Variants in GRID2 observed in about 807,000 individuals in gnomAD.
The protein encoded by GRID2 is glutamate ionotropic receptor delta type subunit 2.
A neutral mutation model predicts 114.8 loss-of-function variants in GRID2; 33 were observed. The ratio of observed to expected loss-of-function variants is 0.29; its 90% confidence interval spans 0.22 to 0.38. The LOEUF (loss-of-function observed/expected upper bound fraction) is 0.38, where lower values mean the gene tolerates loss of function less well. Among genes scored for constraint, GRID2 ranks in the 10% least tolerant of loss-of-function variants. The pLI is 1.00. For synonymous variants in GRID2, 505 were observed against 449.9 expected, an observed-to-expected ratio of 1.12 and a Z score of -1.55; for missense variants, 1,184 against 1,257.7, an observed-to-expected ratio of 0.94 and a Z score of 0.89.
chr4:93,117,812 T>A (rs1300163521), intron 4 of GRID2, among the ~76,000 whole-genome samples: 1 of 152,164 alleles, frequency 6.6e-6, no homozygotes, highest in Non-Finnish European at 1.5e-5. Context: ...AGAGTTATAG[T>A]GCTGTTGGCC....
At chr4:92,721,172 G>T in intron 2 of GRID2, among the ~76,000 whole-genome samples, 1 of 152,080 alleles carries the variant, frequency 6.6e-6, no homozygotes, top group East Asian at 1.9e-4. Flanking sequence ...TGGGAAGTTA[G>T]TGTTCAATGG....
intron 2 of GRID2, among the ~76,000 whole-genome samples, chr4:92,915,385 C>A (rs2149495287): frequency 6.6e-6 from 1 of 152,258 alleles, no homozygotes; most frequent in East Asian, 1.9e-4. Flanking sequence ...CTGGAAGGCA[C>A]AAAGAGCCTC....
In GRID2 at chr4:93,318,126, T is replaced by C. The variant is rs558412559; in HGVS notation, c.1246-77481T>C. Among the ~76,000 whole-genome samples the C allele has an allele frequency of 2.7e-4, 40 of 150,892 alleles. No individual in the cohort carries two copies. The East Asian group carries it at 7.6e-3, about 29-fold the overall frequency. On this transcript the variant is annotated intron_variant, in intron 8 of 15. Coordinates refer to ENST00000282020, the MANE Select transcript of GRID2 (RefSeq NM_001510.4). The stretch of plus-strand genomic sequence containing the variant: ...TTATAATTTTACATGATTTCATATA[T>C]TATTTTTCTGTTAGCCTTGTAAACT...
intron 2 of GRID2, among the ~76,000 whole-genome samples, chr4:92,904,020 T>C (rs1425033073): frequency 6.6e-6 from 1 of 151,950 alleles, no homozygotes; most frequent in Non-Finnish European, 1.5e-5. Flanking sequence ...CAGTTTCTTT[T>C]CTTATTTCTA....
intron 1 of GRID2, among the ~76,000 whole-genome samples, chr4:92,586,172 G>C (rs1728430104): frequency 4.0e-5 from 6 of 151,808 alleles, no homozygotes; most frequent in Admixed American, 3.9e-4. Flanking sequence ...TACCTCTGTG[G>C]TAGAGGAAAC....
At chr4:92,386,868 A>C (rs952498834) in intron 1 of GRID2, among the ~76,000 whole-genome samples, 1 of 151,910 alleles carries the variant, frequency 6.6e-6, no homozygotes, top group African/African-American at 2.4e-5. Flanking sequence ...CTTGAGATAC[A>C]TAGCCTCATG....
At chr4:93,028,444 C>A (rs932899544) in intron 2 of GRID2, among the ~76,000 whole-genome samples, 2 of 151,658 alleles carry the variant, frequency 1.3e-5, no homozygotes, top group African/African-American at 2.4e-5. Context: ...GAAATGAGAC[C>A]GGAAAGAGTT....
At chr4:92,438,582 G>A (rs1009613118) in intron 1 of GRID2, among the ~76,000 whole-genome samples, 2 of 105,892 alleles carry the variant, frequency 1.9e-5, no homozygotes, top group South Asian at 3.3e-4. Flanking sequence ...TACCTTCTGT[G>A]TGTGTGTGTG....
At chr4:93,207,734 A>G (rs1349138974) in intron 5 of GRID2, among the ~76,000 whole-genome samples, 1 of 151,958 alleles carries the variant, frequency 6.6e-6, no homozygotes, top group Non-Finnish European at 1.5e-5. Flanking sequence ...TCATCTTTAT[A>G]AAAAGTACAG....
intron 14 of GRID2, among the ~76,000 whole-genome samples, chr4:93,703,757 G>T (rs1727736446): frequency 6.7e-6 from 1 of 148,854 alleles, no homozygotes; most frequent in East Asian, 2.0e-4. Context: ...TTGGTTTTTT[G>T]TCCTTGAGAT....
chr4:92,794,874 T>TTTTATATATA (rs139320071), intron 2 of GRID2, among the ~76,000 whole-genome samples: 53 of 106,036 alleles, frequency 5.0e-4, no homozygotes, highest in African/African-American at 2.2e-3. Context: ...AATAATTGTT[T>TTTTATATATA]TATATATATA....
At chr4:93,248,200 T>C (rs964607528) in intron 8 of GRID2, among the ~76,000 whole-genome samples, 6 of 152,168 alleles carry the variant, frequency 3.9e-5, no homozygotes, top group Non-Finnish European at 8.8e-5. Flanking sequence ...CCACTAGTGG[T>C]AACTAATGTT....
chr4:93,108,962 G>A (rs1162366019), intron 3 of GRID2, among the ~76,000 whole-genome samples: 1 of 152,042 alleles, frequency 6.6e-6, no homozygotes, highest in Non-Finnish European at 1.5e-5. Flanking sequence ...ATTGGTTCTG[G>A]GGTGAGGCCC....
chr4:93,484,086 C>T (rs944595049), intron 11 of GRID2, among the ~76,000 whole-genome samples: 3 of 151,818 alleles, frequency 2.0e-5, no homozygotes, highest in Admixed American at 2.0e-4. Context: ...ACTATTCTCT[C>T]TCCTTATTTT....
intron 2 of GRID2, among the ~76,000 whole-genome samples, chr4:92,622,584 A>G (rs1579704937): frequency 2.0e-5 from 3 of 151,898 alleles, no homozygotes; most frequent in Admixed American, 2.0e-4. Flanking sequence ...CAAAGTGAAC[A>G]TCAGTCCCTC....
intron 1 of GRID2, among the ~76,000 whole-genome samples, chr4:93,795,296 C>T (rs1347105346): frequency 6.6e-6 from 1 of 151,528 alleles, no homozygotes. Flanking sequence ...CACAATAAGG[C>T]AAAAAGACTT....
At chr4:92,763,733 T>G (rs1738131866) in intron 2 of GRID2, among the ~76,000 whole-genome samples, 1 of 152,146 alleles carries the variant, frequency 6.6e-6, no homozygotes, top group Non-Finnish European at 1.5e-5. Flanking sequence ...GAGTTAGCTA[T>G]AGGGTTATTT....
intron 8 of GRID2, among the ~76,000 whole-genome samples, chr4:93,339,843 C>T (rs975592670): frequency 6.6e-6 from 1 of 150,980 alleles, no homozygotes; most frequent in Non-Finnish European, 1.5e-5. Flanking sequence ...ACCTTCTTCA[C>T]AAGGTGGCAG....
chr4:92,834,833 G>A (rs536656482), intron 2 of GRID2, among the ~76,000 whole-genome samples: 6 of 152,194 alleles, frequency 3.9e-5, no homozygotes, highest in African/African-American at 1.4e-4. Context: ...TGGAGAATAA[G>A]GGATGAGAAA....
Sources: gnomAD v4.1 joint callset for allele counts (sites outside exome capture counted in the v4.1 genomes callset) on GRCh38, gnomAD v4.1.1 for gene constraint, MANE v1.5 for transcripts, NCBI Gene and HGNC (gene_info 2026-07-23, HGNC 2026-07-21) for gene names.